Variants in FAM193A observed in about 807,000 individuals in gnomAD.
FAM193A encodes family with sequence similarity 193 member A.
A neutral mutation model predicts 126.5 loss-of-function variants in FAM193A; 22 were observed. The observed-to-expected ratio is 0.17, with a 90% CI of 0.12 to 0.25. The LOEUF (loss-of-function observed/expected upper bound fraction) is 0.25. Ranked by LOEUF, FAM193A falls within the 10% of genes least tolerant of loss-of-function variation. FAM193A has a pLI of 1.00. For missense variants in FAM193A, 1,675 were observed against 1,672.8 expected (o/e 1.00, Z -0.02); for synonymous variants, 761 against 646.8 (o/e 1.18, Z -2.68).
At chr4:2,536,492 T>G (rs1359532898), upstream of FAM193A, 3 of 146,442 alleles carry the variant, frequency 2.0e-5, no homozygotes, top group East Asian at 6.4e-4. Context: ...CGGCGTGTCC[T>G]GCGCGCCGAG....
intron 2 of FAM193A, among the ~76,000 whole-genome samples, chr4:2,605,479 C>G (rs1173120279): frequency 6.6e-6 from 1 of 152,126 alleles, no homozygotes; most frequent in African/African-American, 2.4e-5. Context: ...ATTTTCATTG[C>G]TAGATGCCAT....
intron 1 of FAM193A, among the ~76,000 whole-genome samples, chr4:2,565,141 T>C (rs1738860210): frequency 6.6e-6 from 1 of 151,840 alleles, no homozygotes; most frequent in Non-Finnish European, 1.5e-5. Context: ...TTTTTTTTGA[T>C]AGATTCCAGT....
intron 13 of FAM193A, among the ~76,000 whole-genome samples, chr4:2,682,916 T>C (rs896640259): frequency 1.3e-5 from 2 of 152,234 alleles, no homozygotes; most frequent in African/African-American, 4.8e-5. Context: ...GATATTTTAC[T>C]TTGTCTTTAT....
chr4:2,593,672 C>G (rs1480852129), intron 1 of FAM193A, among the ~76,000 whole-genome samples: 2 of 152,146 alleles, frequency 1.3e-5, no homozygotes, highest in East Asian at 1.9e-4. Context: ...TGTGCGCTCT[C>G]TGGTCATTTC....
chr4:2,721,846 G>A (rs1373859881), intron 20 of FAM193A, among the ~76,000 whole-genome samples: 1 of 152,228 alleles, frequency 6.6e-6, no homozygotes, highest in African/African-American at 2.4e-5. Flanking sequence ...CAAACGTGAG[G>A]CAAGCAGCAG....
At chr4:2,568,666 A>C (rs1739110259) in intron 1 of FAM193A, among the ~76,000 whole-genome samples, 4 of 152,218 alleles carry the variant, frequency 2.6e-5, no homozygotes, top group Admixed American at 2.6e-4. Flanking sequence ...TGTTGTTACC[A>C]GGTGTAGTGA....
At chr4:2,642,314 C>A (rs1034467549) in intron 6 of FAM193A, among the ~76,000 whole-genome samples, 10 of 151,780 alleles carry the variant, frequency 6.6e-5, no homozygotes, top group Non-Finnish European at 1.3e-4. Flanking sequence ...AAAAAACACA[C>A]AAAAAAATCA....
intron 7 of FAM193A, among the ~76,000 whole-genome samples, chr4:2,657,304 A>G (rs574560290): frequency 6.6e-6 from 1 of 152,156 alleles, no homozygotes; most frequent in African/African-American, 2.4e-5. Flanking sequence ...TTAATCACAT[A>G]TGCTTCTCTG....
chr4:2,708,133 T>G, intron 19 of FAM193A: 1 of 448,920 alleles, frequency 2.2e-6, no homozygotes, highest in South Asian at 1.6e-5. Context: ...TTTGTTTGTT[T>G]GTTTATTTCG....
At position 2,646,779 on chromosome 4, in the gene FAM193A, G is replaced by T. The variant is rs751822206; in HGVS notation, c.1258G>T (p.Ala420Ser). ...TTCCGAGGAGGAGCTGCGCAGAGTC[G>T]CCGAGGAGTGGCTGGAGTGCCAGAA... ...QRSEEELRRV[A>S]EEWLECQKRI... Residue 420 changes from alanine (A) to serine (S), a missense_variant, in exon 7 of 21, where the codon GCC (alanine) becomes TCC (serine). Ala to Ser is a moderately conservative substitution (Grantham distance 99). This residue lies in a region of FAM193A where 1,186 missense variants were observed against 1,109.2 expected (regional missense o/e 1.07). Coordinates refer to ENST00000637812, the MANE Select transcript of FAM193A (RefSeq NM_001366318.2). 3.1e-6 allele frequency: 5 copies of T among 1,613,860 alleles called. No homozygotes were observed. In the South Asian group the frequency reaches 3.3e-5, roughly 11 times the overall value.
chr4:2,581,682 G>A (rs1739949884), intron 1 of FAM193A, among the ~76,000 whole-genome samples: 1 of 151,866 alleles, frequency 6.6e-6, no homozygotes, highest in African/African-American at 2.4e-5. Flanking sequence ...GTCTCGCTCT[G>A]TCTTGCTCCA....
chr4:2,675,241 G>T (rs954387458), intron 13 of FAM193A, among the ~76,000 whole-genome samples: 3 of 152,200 alleles, frequency 2.0e-5, no homozygotes, highest in African/African-American at 7.2e-5. Flanking sequence ...GTGGTCTTCA[G>T]ATGCTCATTA....
chr4:2,696,029 A>AAAATAAAT (rs4040736), intron 17 of FAM193A, among the ~76,000 whole-genome samples: 51,642 of 150,208 alleles, frequency 0.34, 10,019 homozygotes, highest in Admixed American at 0.53. Flanking sequence ...CCTTGTCTCA[A>AAAATAAAT]AAATAAATAA....
intron 13 of FAM193A, among the ~76,000 whole-genome samples, chr4:2,675,781 C>T (rs530974673): frequency 6.6e-6 from 1 of 152,258 alleles, no homozygotes; most frequent in African/African-American, 2.4e-5. Context: ...AGGTTTTTAC[C>T]TGTTAAACAA....
chr4:2,611,838 ATTTTTTTT>A (rs1339000637), intron 2 of FAM193A, among the ~76,000 whole-genome samples: 3 of 136,238 alleles, frequency 2.2e-5, no homozygotes, highest in Non-Finnish European at 3.2e-5. Context: ...GATCAAATCC[ATTTTTTTT>A]TTTTTTTTGA....
At chr4:2,646,494 T>A (rs1334330885) in intron 6 of FAM193A, among the ~76,000 whole-genome samples, 191 bp from the exon 7 acceptor site, 1 of 152,164 alleles carries the variant, frequency 6.6e-6, no homozygotes, top group East Asian at 1.9e-4. Flanking sequence ...TTTACAAGTC[T>A]GTCCTGGGTG....
Position 2,695,022 on chromosome 4 carries a change from G to T in FAM193A, c.3169G>T (p.Asp1057Tyr). The change falls in exon 17 of 21, where the codon GAT (aspartate) becomes TAT (tyrosine). Residue 1057 changes from aspartate to tyrosine, a missense_variant. Asp to Tyr is a radical substitution (Grantham distance 160). Coordinates refer to ENST00000637812, the MANE Select transcript of FAM193A (RefSeq NM_001366318.2). ...GCAGGATGATGGGGACGAGAGTGCAGATGAGGACAGCTGCTCTGAGCACAG... is the reference window on the plus strand; with the variant it reads ...GCAGGATGATGGGGACGAGAGTGCATATGAGGACAGCTGCTCTGAGCACAG... ...PQQDDGDESADEDSCSEHSSS... is the reference protein window; with the variant it reads ...PQQDDGDESAYEDSCSEHSSS... 1 of 1,610,734 alleles carries T rather than the reference G, an allele frequency of 6.2e-7. No individual in the cohort carries two copies. Among genetic ancestry groups the T allele is most frequent in the East Asian group, 2.2e-5 (1 of 44,536 alleles).
intron 1 of FAM193A, among the ~76,000 whole-genome samples, chr4:2,581,070 A>T (rs1284379174): frequency 1.3e-5 from 2 of 151,052 alleles, no homozygotes; most frequent in African/African-American, 2.4e-5. Context: ...CGGAGGTTGC[A>T]GTGAGCTGAG....
rs1553895142 is a variant in FAM193A at position 2,617,240 on chromosome 4, TTA to T, written c.502-8000_502-7999del. On this transcript the variant is annotated intron_variant, in intron 2 of 20. Coordinates refer to ENST00000637812, the MANE Select transcript of FAM193A (RefSeq NM_001366318.2). ...TGTATTGGTCAGAAGTATGTTTTTATTATATATATATATATATATATATTTTT... is the reference window on the plus strand; with the variant it reads ...TGTATTGGTCAGAAGTATGTTTTTATTATATATATATATATATATATTTTT... Among the ~76,000 whole-genome samples the T allele has an allele frequency of 7.9e-3, 278 of 35,240 alleles. 11 individuals are homozygous for T. The Middle Eastern group carries it at 0.079, about 10-fold the overall frequency. The allele number at this position is 35,240 out of a possible 152,430, so 23.1% of individuals were successfully genotyped here. A position where few individuals can be genotyped will look rare whatever the true frequency, so the allele number is the denominator to read the frequency against.
Sources: gnomAD v4.1 joint callset for allele counts (sites outside exome capture counted in the v4.1 genomes callset) on GRCh38, gnomAD v4.1.1 for gene constraint, gnomAD v4.1.1 regional missense constraint, MANE v1.5 for transcripts, NCBI Gene and HGNC (gene_info 2026-07-23, HGNC 2026-07-21) for gene names.